GRID2: variants seen among roughly 807,000 people sequenced by gnomAD.
The protein encoded by GRID2 is glutamate receptor ionotropic, delta-2.
GRID2 carries 33 observed loss-of-function variants against 114.8 expected under a neutral mutation model. The observed-to-expected ratio is 0.29, with a 90% CI of 0.22 to 0.38. The LOEUF (loss-of-function observed/expected upper bound fraction) is 0.38. GRID2 is among the 10% of genes least tolerant of loss of function. GRID2 has a pLI of 1.00. For missense variants in GRID2, 1,184 were observed against 1,257.7 expected, an observed-to-expected ratio of 0.94 and a Z score of 0.89; for synonymous variants, 505 against 449.9, an observed-to-expected ratio of 1.12 and a Z score of -1.55.
intron 1 of GRID2, among the ~76,000 whole-genome samples, chr4:92,332,050 CAG>C (rs1349240546): frequency 6.6e-6 from 1 of 152,150 alleles, no homozygotes; most frequent in Non-Finnish European, 1.5e-5. Flanking sequence ...CAGAGAGTCT[CAG>C]AAATTATGCT....
At chr4:92,797,071 C>T (rs925156231) in intron 2 of GRID2, among the ~76,000 whole-genome samples, 2 of 151,918 alleles carry the variant, frequency 1.3e-5, no homozygotes, top group Non-Finnish European at 2.9e-5. Flanking sequence ...ACAACCACAG[C>T]TCCAGGCCTC....
intron 2 of GRID2, among the ~76,000 whole-genome samples, chr4:92,704,464 G>T (rs1734842785): frequency 6.6e-6 from 1 of 151,908 alleles, no homozygotes. Flanking sequence ...TGTACATGTT[G>T]CATGAAAAAA....
chr4:93,517,679 T>C (rs1329583579), intron 13 of GRID2, among the ~76,000 whole-genome samples: 1 of 151,884 alleles, frequency 6.6e-6, no homozygotes, highest in African/African-American at 2.4e-5. Context: ...ATAAAGTTCA[T>C]TGGAGTTTCA....
intron 2 of GRID2, among the ~76,000 whole-genome samples, chr4:92,632,719 T>TGAAGAAAGGGAAGGAAGGGAAGGAGG (rs1730868334): frequency 7.9e-6 from 1 of 127,092 alleles, no homozygotes; most frequent in African/African-American, 3.0e-5. Flanking sequence ...AGGGAAGGAG[T>TGAAGAAAGGGAAGGAAGGGAAGGAGG]GAAGAAAGGG....
chr4:93,709,142 G>A (rs764383943), intron 14 of GRID2, among the ~76,000 whole-genome samples: 2 of 152,118 alleles, frequency 1.3e-5, no homozygotes, highest in African/African-American at 4.8e-5. Flanking sequence ...CAAATACAGT[G>A]TTATAATATT....
At chr4:93,522,457 T>C (rs1490122995) in intron 13 of GRID2, among the ~76,000 whole-genome samples, 1 of 152,186 alleles carries the variant, frequency 6.6e-6, no homozygotes, top group Non-Finnish European at 1.5e-5. Flanking sequence ...CATCTTCAGC[T>C]GACTGAGCAT....
chr4:93,260,459 G>A (rs775845306), intron 8 of GRID2, among the ~76,000 whole-genome samples: 1 of 151,260 alleles, frequency 6.6e-6, no homozygotes, highest in Non-Finnish European at 1.5e-5. Context: ...TTTGTTAGAA[G>A]TTGGACACTT....
At chr4:92,498,040 G>C (rs968886789) in intron 1 of GRID2, among the ~76,000 whole-genome samples, 10 of 151,564 alleles carry the variant, frequency 6.6e-5, no homozygotes, top group African/African-American at 2.4e-4. Context: ...AACTAAAAAA[G>C]AAAAATACTT....
chr4:93,463,969 A>G (rs1724025879), intron 11 of GRID2, among the ~76,000 whole-genome samples: 1 of 152,096 alleles, frequency 6.6e-6, no homozygotes. Context: ...AGCCTGGGCG[A>G]CACAGCAAGA....
exon 2 of GRID2, chr4:93,808,285 G>C (rs765207302): frequency 2.6e-5 from 4 of 152,160 alleles, no homozygotes; most frequent in African/African-American, 4.8e-5. Flanking sequence ...TACCATGACT[G>C]TGGGCAAATC....
intron 13 of GRID2, among the ~76,000 whole-genome samples, chr4:93,535,346 C>A (rs1196494112): frequency 6.6e-6 from 1 of 151,712 alleles, no homozygotes; most frequent in Non-Finnish European, 1.5e-5. Context: ...TAAAGAATGC[C>A]ACCATGAACA....
intron 4 of GRID2, among the ~76,000 whole-genome samples, chr4:93,129,603 G>A (rs1162999463): frequency 1.3e-5 from 2 of 152,086 alleles, no homozygotes; most frequent in Non-Finnish European, 2.9e-5. Flanking sequence ...AATGTCTCTT[G>A]CAACCCAACA....
chr4:93,072,488 A>C (rs1356981587), intron 2 of GRID2, among the ~76,000 whole-genome samples: 1 of 152,150 alleles, frequency 6.6e-6, no homozygotes. Flanking sequence ...AGTTGGTATC[A>C]GAAGGATATG....
At chr4:92,832,782 C>CAAG (rs1347754700) in intron 2 of GRID2, among the ~76,000 whole-genome samples, 1 of 151,714 alleles carries the variant, frequency 6.6e-6, no homozygotes, top group Non-Finnish European at 1.5e-5. Context: ...GACTCTGTCA[C>CAAG]AATAATAATA....
intron 1 of GRID2, among the ~76,000 whole-genome samples, chr4:92,349,359 T>C (rs1727945917): frequency 6.6e-6 from 1 of 151,916 alleles, no homozygotes; most frequent in South Asian, 2.1e-4. Flanking sequence ...ACGTGATCAA[T>C]TGTCAAGTTA....
chr4:92,819,862 TGAAGA>T (rs1359650961), intron 2 of GRID2, among the ~76,000 whole-genome samples: 2 of 152,164 alleles, frequency 1.3e-5, no homozygotes, highest in East Asian at 1.9e-4. Context: ...TACTCCATAA[TGAAGA>T]GAAATGATAA....
intron 13 of GRID2, among the ~76,000 whole-genome samples, chr4:93,615,656 G>T (rs1435220224): frequency 6.7e-6 from 1 of 149,192 alleles, no homozygotes; most frequent in Non-Finnish European, 1.5e-5. Context: ...AAAAAAAAAG[G>T]AAATTGAGGA....
rs187186987 is a variant in GRID2, at chr4:93,371,834, G to A, written c.1246-23773G>A. Among the ~76,000 whole-genome samples the A allele has an allele frequency of 2.6e-3, 352 of 134,034 alleles. 8 individuals are homozygous for A. The East Asian group carries it at 0.034, about 13-fold the overall frequency. 87.9% of individuals were successfully genotyped at this position (134,034 alleles called of 152,430 possible). A position where few individuals can be genotyped will look rare whatever the true frequency, so the allele number is the denominator to read the frequency against. On this transcript the variant is annotated intron_variant, in intron 8 of 15. Transcript: ENST00000282020. The stretch of plus-strand genomic sequence containing the variant: ...ATGATCTTGGCTCACTGCAACTTCC[G>A]CCTCCAAGGTTCAAGTGATTCTTCT...
At position 92,647,687 on chromosome 4, in the gene GRID2, A is replaced by G. The variant is rs137996097; in HGVS notation, c.244+57401A>G. ...TATGTTATGAAATTTTCCTTAGTTG[A>G]TTGAACTTTAAGAGAAAAATGTGAC... On this transcript the variant is annotated intron_variant, in intron 2 of 15. Transcript: ENST00000282020. Among the ~76,000 whole-genome samples, 1,009 of 149,778 alleles carry G rather than the reference A, an allele frequency of 6.7e-3. 102 individuals carry two copies. The highest frequency in any genetic ancestry group is 0.024 in the African/African-American group (973 of 40,036).
Sources: gnomAD v4.1 joint callset for allele counts (sites outside exome capture counted in the v4.1 genomes callset) on GRCh38, gnomAD v4.1.1 for gene constraint, MANE v1.5 for transcripts, NCBI Gene and HGNC (gene_info 2026-07-23, HGNC 2026-07-21) for gene names.